ANKH: variants seen among roughly 807,000 people sequenced by gnomAD.
The protein encoded by ANKH is mineralization regulator ANKH.
ANKH carries 15 observed loss-of-function variants against 49.0 expected under a neutral mutation model. That is an observed-to-expected ratio of 0.31 (90% CI 0.20 to 0.47). The LOEUF (loss-of-function observed/expected upper bound fraction) is 0.47. Among genes scored for constraint, ANKH ranks in the 20% least tolerant of loss-of-function variants. The pLI is 1.00. For missense variants in ANKH, 429 were observed against 652.0 expected (o/e 0.66, Z 3.72); for synonymous variants, 273 against 260.0 (o/e 1.05, Z -0.48).
rs1199213892 is a variant in ANKH at position 14,725,321 on chromosome 5, G to A, written c.1012-8486C>T. ...TGCCCAGAGTGCTGGTCTGCCAACT[G>A]TGGACTGGTCCACACTGAGATAAGC... On this transcript the variant is annotated intron_variant, in intron 8 of 11. Coordinates refer to ENST00000284268, the MANE Select transcript of ANKH (RefSeq NM_054027.6). This position sits in a 1 kb window ranked among gnomAD's most constrained non-coding sequence, Gnocchi z 4.0. Among the ~76,000 whole-genome samples, 1 of 152,230 alleles carries A rather than the reference G, an allele frequency of 6.6e-6. No homozygotes were observed. Among genetic ancestry groups the A allele is most frequent in the East Asian group, 1.9e-4 (1 of 5,194 alleles).
intron 1 of ANKH, among the ~76,000 whole-genome samples, chr5:14,830,735 T>A (rs1741482667): frequency 1.3e-5 from 2 of 152,182 alleles, no homozygotes; most frequent in African/African-American, 4.8e-5. Context: ...CCACTGACCA[T>A]TTTCCCAAGC....
intron 1 of ANKH, among the ~76,000 whole-genome samples, chr5:14,837,903 C>T (rs1741701702): frequency 6.6e-6 from 1 of 152,174 alleles, no homozygotes; most frequent in Admixed American, 6.5e-5. Context: ...GAAAATGTGG[C>T]ACATATATAC....
At chr5:14,826,139 T>A (rs1441914647) in intron 1 of ANKH, 2 of 153,214 alleles carry the variant, frequency 1.3e-5, no homozygotes, top group Non-Finnish European at 1.5e-5. Context: ...TCTAAGCAAA[T>A]AAGTTAAAGT....
intron 1 of ANKH, among the ~76,000 whole-genome samples, chr5:14,774,377 T>C (rs1232971985): frequency 6.6e-6 from 1 of 152,200 alleles, no homozygotes; most frequent in African/African-American, 2.4e-5. Flanking sequence ...TACTTCAAAA[T>C]CACTTATTGA....
At chr5:14,767,103 T>C (rs1935889637) in intron 2 of ANKH, among the ~76,000 whole-genome samples, 2 of 152,014 alleles carry the variant, frequency 1.3e-5, no homozygotes, top group Admixed American at 6.5e-5. Flanking sequence ...GAAGAATGGC[T>C]GGGGGGTGGA....
At chr5:14,831,225 C>T (rs771527564) in intron 1 of ANKH, among the ~76,000 whole-genome samples, 4 of 152,040 alleles carry the variant, frequency 2.6e-5, no homozygotes, top group Non-Finnish European at 4.4e-5. Context: ...TTCACAGAAC[C>T]GGAATCGGAC....
At chr5:14,796,652 A>T (rs1406987635) in intron 1 of ANKH, among the ~76,000 whole-genome samples, 2 of 152,162 alleles carry the variant, frequency 1.3e-5, no homozygotes, top group Admixed American at 1.3e-4. Flanking sequence ...GCATCCTGGA[A>T]ACTCAGGTGT....
chr5:14,724,388 G>A (rs756345425), intron 8 of ANKH, among the ~76,000 whole-genome samples: 16 of 152,160 alleles, frequency 1.1e-4, no homozygotes, highest in Non-Finnish European at 1.9e-4. Context: ...ACTGTGTGTC[G>A]TCATTCTGTG....
chr5:14,751,676 C>G (rs1047158489), intron 4 of ANKH, among the ~76,000 whole-genome samples: 1 of 152,038 alleles, frequency 6.6e-6, no homozygotes, highest in Non-Finnish European at 1.5e-5. Context: ...AACCCATTAA[C>G]TTAGTAAAAT....
chr5:14,801,833 C>G (rs765994652), intron 1 of ANKH, among the ~76,000 whole-genome samples: 9 of 152,022 alleles, frequency 5.9e-5, no homozygotes, highest in Non-Finnish European at 1.2e-4. Flanking sequence ...ATCAGTGTGT[C>G]ATGAAAACAA....
chr5:14,713,138 A>G lies in ANKH; in HGVS notation c.1266-165T>C, dbSNP rs898860295. Among the ~76,000 whole-genome samples the G allele has an allele frequency of 6.6e-6, 1 of 152,154 alleles. No individual in the cohort carries two copies. The highest frequency in any genetic ancestry group is 6.5e-5 in the Admixed American group (1 of 15,280). On this transcript the variant is annotated intron_variant, in intron 10 of 11. Coordinates refer to ENST00000284268, the MANE Select transcript of ANKH (RefSeq NM_054027.6). This position sits in a 1 kb window ranked among gnomAD's most constrained non-coding sequence, Gnocchi z 4.4. ...GCCGCAGCTAATAACCTAATGTGTGAGGGGAACCAGGAACTCGGGGCTGGG... is the reference window on the plus strand; with the variant it reads ...GCCGCAGCTAATAACCTAATGTGTGGGGGGAACCAGGAACTCGGGGCTGGG...
rs1580072656 is a variant in ANKH, at chr5:14,793,082, T to TATATAAAA, written c.97-23892_97-23891insTTTTATAT. Reference sequence around the variant, plus strand: ...TAAAATATATATAAATATATAAAAATATATATATAAATATTTATTTATTTA... The same window carrying TATATAAAA: ...TAAAATATATATAAATATATAAAAATATATAAAAATATATATAAATATTTATTTATTTA... On this transcript the variant is annotated intron_variant, in intron 1 of 11. Coordinates refer to ENST00000284268, the MANE Select transcript of ANKH (RefSeq NM_054027.6). Among the ~76,000 whole-genome samples the TATATAAAA allele has an allele frequency of 7.4e-5, 8 of 108,616 alleles. No individual in the cohort carries two copies. In the East Asian group the frequency reaches 2.0e-3, roughly 28 times the overall value. 71.3% of individuals were successfully genotyped at this position (108,616 alleles called of 152,430 possible). A position where few individuals can be genotyped will look rare whatever the true frequency, so the allele number is the denominator to read the frequency against.
At chr5:14,848,540 C>G (rs1454752714) in intron 1 of ANKH, among the ~76,000 whole-genome samples, 1 of 152,180 alleles carries the variant, frequency 6.6e-6, no homozygotes, top group Admixed American at 6.5e-5. Flanking sequence ...CACTGATCAC[C>G]GCCATCGCAG....
chr5:14,733,018 G>A (rs1738053479), intron 8 of ANKH, among the ~76,000 whole-genome samples: 1 of 152,220 alleles, frequency 6.6e-6, no homozygotes, highest in Non-Finnish European at 1.5e-5. Context: ...ACTTGTAAGA[G>A]ATCAGTGGTG....
intron 11 of ANKH, 112 bp downstream of exon 11, chr5:14,712,762 C>T: frequency 1.9e-6 from 2 of 1,078,060 alleles, no homozygotes; most frequent in Non-Finnish European, 2.8e-6. Context: ...GCAGTGTCAC[C>T]AAGGATCCCC....
chr5:14,801,778 C>A (rs888372585), intron 1 of ANKH, among the ~76,000 whole-genome samples: 3 of 152,200 alleles, frequency 2.0e-5, no homozygotes, highest in Non-Finnish European at 4.4e-5. Context: ...GAAAGCTCAG[C>A]TCTTGACTTT....
intron 1 of ANKH, among the ~76,000 whole-genome samples, chr5:14,815,602 G>T (rs1741011287): frequency 6.6e-6 from 1 of 152,144 alleles, no homozygotes; most frequent in Admixed American, 6.5e-5. Context: ...TTTGCTTCTT[G>T]TGCCTAAGTC....
At chr5:14,722,246 G>A (rs1272654579) in intron 8 of ANKH, among the ~76,000 whole-genome samples, 1 of 152,070 alleles carries the variant, frequency 6.6e-6, no homozygotes, top group Non-Finnish European at 1.5e-5. Flanking sequence ...TTCCAAACCA[G>A]CACACACCCC....
chr5:14,764,934 G>C (rs1739211732), intron 2 of ANKH, among the ~76,000 whole-genome samples: 1 of 152,224 alleles, frequency 6.6e-6, no homozygotes, highest in South Asian at 2.1e-4. Context: ...TGTAAAGAAA[G>C]TTAAAATCCA....
Sources: allele counts gnomAD v4.1 joint callset (sites outside exome capture counted in the v4.1 genomes callset), GRCh38; gene constraint gnomAD v4.1.1; non-coding constraint Gnocchi (gnomAD v3.1); transcripts MANE v1.5; gene names NCBI Gene and HGNC (gene_info 2026-07-23, HGNC 2026-07-21).